Variants in B4GALT1 observed in about 807,000 individuals in gnomAD.
The protein encoded by B4GALT1 is N-acetyllactosamine synthase.
A neutral mutation model predicts 34.9 loss-of-function variants in B4GALT1; 16 were observed. The observed-to-expected ratio is 0.46, with a 90% CI of 0.31 to 0.70. The LOEUF (loss-of-function observed/expected upper bound fraction) is 0.70. Ranked by LOEUF, B4GALT1 falls within the 30% of genes least tolerant of loss-of-function variation. The pLI is 0.05. For synonymous variants in B4GALT1, 221 were observed against 218.1 expected (o/e 1.01, Z -0.12); for missense variants, 445 against 530.5 (o/e 0.84, Z 1.58).
Position 33,166,966 on chromosome 9 carries a change from G to C in B4GALT1, c.204C>G (p.Ala68=). The change falls in exon 1 of 6, where the codon GCC becomes GCG. Residue 68 remains alanine (A), a synonymous_variant. Transcript: ENST00000379731. The part of the protein sequence containing the change: ...TPLQGGSNSA[A]AIGQSSGELR... Reference sequence around the variant, plus strand: ...GCTCCCCGGAGGACTGCCCGATGGCGGCGGCACTGTTCGAGCCGCCCTGCA... The same window carrying C: ...GCTCCCCGGAGGACTGCCCGATGGCCGCGGCACTGTTCGAGCCGCCCTGCA... The C allele has an allele frequency of 6.3e-7, 1 of 1,581,356 alleles. No individual in the cohort carries two copies. Among genetic ancestry groups the C allele is most frequent in the Non-Finnish European group, 8.5e-7 (1 of 1,170,838 alleles).
intron 1 of B4GALT1, among the ~76,000 whole-genome samples, chr9:33,154,504 A>G (rs1840569330): frequency 6.6e-6 from 1 of 152,198 alleles, no homozygotes; most frequent in African/African-American, 2.4e-5. Flanking sequence ...CAAGAAAAAG[A>G]GCTGCTGTGA....
rs566475894 is a variant in B4GALT1 at position 33,133,340 on chromosome 9, T to C, written c.648+1849A>G. Among the ~76,000 whole-genome samples, 23 of 152,322 alleles carry C rather than the reference T, an allele frequency of 1.5e-4. No individual in the cohort carries two copies. The South Asian group carries it at 4.6e-3, about 30-fold the overall frequency. The stretch of plus-strand genomic sequence containing the variant: ...CATTGTATCCACAGTACATCCCTCA[T>C]CTACTGGCATAGCAACTGTCAAGAG... On this transcript the variant is annotated intron_variant, in intron 2 of 5. Coordinates refer to ENST00000379731, the MANE Select transcript of B4GALT1 (RefSeq NM_001497.4).
chr9:33,167,101 G>A lies in B4GALT1; in HGVS notation c.69C>T (p.Cys23=). The change falls in exon 1 of 6, where the codon TGC becomes TGT. Residue 23 remains cysteine, a synonymous_variant. Coordinates refer to ENST00000379731, the MANE Select transcript of B4GALT1 (RefSeq NM_001497.4). The part of the protein sequence containing the change: ...AMPGASLQRA[C]RLLVAVCALH... Reference sequence around the variant, plus strand: ...GAGCGCAGACGGCCACGAGCAGGCGGCAGGCCCGCTGTAGGGACGCGCCTG... The same window carrying A: ...GAGCGCAGACGGCCACGAGCAGGCGACAGGCCCGCTGTAGGGACGCGCCTG... 6.2e-7 allele frequency: 1 copy of A among 1,604,736 alleles called. No individual in the cohort carries two copies. The highest frequency in any genetic ancestry group is 8.5e-7 in the Non-Finnish European group (1 of 1,178,758).
chr9:33,174,367 C>T, the B4GALT1 span: 1 of 152,188 alleles, frequency 6.6e-6, no homozygotes, highest in African/African-American at 2.4e-5. Context: ...AAAGAATATT[C>T]TCTGGGCATG....
chr9:33,149,707 G>A (rs913706041), intron 1 of B4GALT1, among the ~76,000 whole-genome samples: 3 of 152,192 alleles, frequency 2.0e-5, no homozygotes, highest in African/African-American at 7.2e-5. Flanking sequence ...TGTGTCTCTA[G>A]ATCTCGTTAC....
intron 1 of B4GALT1, among the ~76,000 whole-genome samples, chr9:33,156,022 C>A (rs1385549642): frequency 1.3e-5 from 2 of 151,940 alleles, no homozygotes; most frequent in Non-Finnish European, 2.9e-5. Context: ...CTGACTGCTG[C>A]AGAATGCAGT....
the B4GALT1 span, chr9:33,174,060 T>C: frequency 5.3e-5 from 8 of 152,122 alleles, no homozygotes; most frequent in Admixed American, 4.6e-4. Context: ...TGGGAAACAT[T>C]AGAGAAATCC....
chr9:33,134,093 T>C (rs1379345476), intron 2 of B4GALT1, among the ~76,000 whole-genome samples: 1 of 152,176 alleles, frequency 6.6e-6, no homozygotes, highest in Non-Finnish European at 1.5e-5. Flanking sequence ...CAGAAGTGGG[T>C]TGGAGGCTTC....
chr9:33,140,616 C>T (rs1266508784), intron 1 of B4GALT1, among the ~76,000 whole-genome samples: 2 of 152,224 alleles, frequency 1.3e-5, no homozygotes, highest in South Asian at 2.1e-4. Context: ...TAGGCAGTGC[C>T]TAGAACTCTG....
chr9:33,182,498 G>A, the B4GALT1 span, among the ~76,000 whole-genome samples: 128 of 152,280 alleles, frequency 8.4e-4, no homozygotes, highest in African/African-American at 3.0e-3. Context: ...AGAGGGTTAC[G>A]CCCTGGTATG....
At position 33,111,472 on chromosome 9, in the gene B4GALT1, A is replaced by T. The variant is rs753100140; in HGVS notation, c.*1982T>A. 3.3e-5 allele frequency: 5 copies of T among 152,604 alleles called. No homozygotes were observed. The highest frequency in any genetic ancestry group is 7.3e-5 in the Non-Finnish European group (5 of 68,034). The allele number at this position is 152,604 out of a possible 1,614,324, so 9.5% of individuals were successfully genotyped here. On this transcript the variant is annotated 3_prime_UTR_variant, in exon 6 of 6. Coordinates refer to ENST00000379731, the MANE Select transcript of B4GALT1 (RefSeq NM_001497.4). ...TTCTAGTTTTAATAATATCCTTGGTATAGAGTGGGGAACTGACAGAGAAAT... is the reference window on the plus strand; with the variant it reads ...TTCTAGTTTTAATAATATCCTTGGTTTAGAGTGGGGAACTGACAGAGAAAT...
chr9:33,113,578 C>T lies in B4GALT1; in HGVS notation c.1073G>A (p.Arg358Gln), dbSNP rs765329426. ...KNEPNPQRFD[R>Q]IAHTKETMLS... ...CATTGTCTCCTTTGTGTGTGCAATT[C>T]GGTCAAACCTACAAGGAAAAGAGCA... is the stretch of plus-strand genomic sequence containing the variant. The change falls in exon 6 of 6, where the codon CGA becomes CAA. Residue 358 changes from arginine to glutamine, a missense_variant. Arg to Gln is a conservative substitution (Grantham distance 43). Transcript: ENST00000379731. 1.9e-5 allele frequency: 31 copies of T among 1,614,016 alleles called. No homozygotes were observed. Among genetic ancestry groups the T allele is most frequent in the Non-Finnish European group, 1.9e-5 (22 of 1,180,052 alleles).
chr9:33,158,582 GGTTACTTTTAGCA>G (rs1312538169), intron 1 of B4GALT1, among the ~76,000 whole-genome samples: 1 of 152,160 alleles, frequency 6.6e-6, no homozygotes, highest in African/African-American at 2.4e-5. Context: ...GGAAATCGCA[GGTTACTTTTAGCA>G]GTAGACTCCT....
At chr9:33,132,572 C>G (rs75909720) in intron 2 of B4GALT1, among the ~76,000 whole-genome samples, 1 of 152,192 alleles carries the variant, frequency 6.6e-6, no homozygotes, top group South Asian at 2.1e-4. Flanking sequence ...GCTGTGCCAC[C>G]GGTCTGAGCT....
At chr9:33,130,785 A>G (rs1043885136) in intron 2 of B4GALT1, among the ~76,000 whole-genome samples, 28 of 151,882 alleles carry the variant, frequency 1.8e-4, no homozygotes, top group East Asian at 2.0e-4. Flanking sequence ...TCTGACTCCA[A>G]GGAGTTCAAA....
At chr9:33,152,278 T>C (rs563130927) in intron 1 of B4GALT1, among the ~76,000 whole-genome samples, 1 of 151,944 alleles carries the variant, frequency 6.6e-6, no homozygotes, top group African/African-American at 2.4e-5. Flanking sequence ...CACTCCAGCC[T>C]GGGCGACAGA....
chr9:33,144,378 G>A (rs978595276), intron 1 of B4GALT1, among the ~76,000 whole-genome samples: 1 of 152,098 alleles, frequency 6.6e-6, no homozygotes, highest in African/African-American at 2.4e-5. Context: ...GGGACTACAG[G>A]CATGTGCCAC....
At chr9:33,175,005 AT>A in the B4GALT1 span, among the ~76,000 whole-genome samples, 3 of 66,916 alleles carry the variant, frequency 4.5e-5, 1 homozygote, top group Non-Finnish European at 9.3e-5. Flanking sequence ...ATATATATAT[AT>A]ATATATATAT....
chr9:33,142,122 A>G (rs994146564), intron 1 of B4GALT1, among the ~76,000 whole-genome samples: 1 of 152,142 alleles, frequency 6.6e-6, no homozygotes, highest in Admixed American at 6.5e-5. Context: ...AGCTGGGACT[A>G]CAGGCACACA....
Sources: allele counts gnomAD v4.1 joint callset (sites outside exome capture counted in the v4.1 genomes callset), GRCh38; gene constraint gnomAD v4.1.1; transcripts MANE v1.5; gene names NCBI Gene and HGNC (gene_info 2026-07-23, HGNC 2026-07-21).